Variants in ST8SIA1 observed in about 807,000 individuals in gnomAD.
The protein encoded by ST8SIA1 is alpha-N-acetylneuraminide alpha-2,8-sialyltransferase.
ST8SIA1 carries 16 observed loss-of-function variants against 35.9 expected under a neutral mutation model. The observed-to-expected ratio is 0.45, with a 90% CI of 0.30 to 0.68. The LOEUF is 0.68. ST8SIA1 is among the 30% of genes least tolerant of loss of function. ST8SIA1 has a pLI of 0.09. For synonymous variants in ST8SIA1, 170 were observed against 169.6 expected, an observed-to-expected ratio of 1.00 and a Z score of -0.02; for missense variants, 383 against 453.6, an observed-to-expected ratio of 0.84 and a Z score of 1.41.
At chr12:22,239,717 T>G (rs967450278) in intron 4 of ST8SIA1, among the ~76,000 whole-genome samples, 1 of 152,220 alleles carries the variant, frequency 6.6e-6, no homozygotes, top group African/African-American at 2.4e-5. Flanking sequence ...GAGTGTTTGC[T>G]TATGAGCTAT....
At chr12:22,211,338 C>T (rs1282515054) in intron 4 of ST8SIA1, among the ~76,000 whole-genome samples, 1 of 152,216 alleles carries the variant, frequency 6.6e-6, no homozygotes, top group Non-Finnish European at 1.5e-5. Flanking sequence ...TCTCTCCTCC[C>T]TGGAGACTGG....
rs371144589 is a variant in ST8SIA1 at position 22,233,085 on chromosome 12, A to G, written c.584+15921T>C. Among the ~76,000 whole-genome samples, 21 of 152,344 alleles carry G rather than the reference A, an allele frequency of 1.4e-4. 1 individual carries two copies. The highest frequency in any genetic ancestry group is 1.2e-3 in the South Asian group (6 of 4,818). On this transcript the variant is annotated intron_variant, in intron 4 of 4. Transcript: ENST00000396037. Reference sequence around the variant, plus strand: ...AGATTGAAAAGGTCCACTGCGTGCCAGCACAATGAATGAAATTAAGCCAAT... The same window carrying G: ...AGATTGAAAAGGTCCACTGCGTGCCGGCACAATGAATGAAATTAAGCCAAT...
At chr12:22,252,508 A>G (rs1865683685) in intron 3 of ST8SIA1, among the ~76,000 whole-genome samples, 1 of 152,232 alleles carries the variant, frequency 6.6e-6, no homozygotes, top group Admixed American at 6.5e-5. Context: ...TAAACATTAA[A>G]ATGTGTCATA....
At chr12:22,273,529 CCTA>C (rs1047706277) in intron 2 of ST8SIA1, among the ~76,000 whole-genome samples, 1 of 152,174 alleles carries the variant, frequency 6.6e-6, no homozygotes, top group Non-Finnish European at 1.5e-5. Context: ...TTTCTGTGTG[CCTA>C]CTTCTTCCTG....
chr12:22,285,768 G>A (rs1035948736), intron 2 of ST8SIA1, among the ~76,000 whole-genome samples: 1 of 150,914 alleles, frequency 6.6e-6, no homozygotes, highest in Non-Finnish European at 1.5e-5. Context: ...TACTCAGGAG[G>A]CTGAGGCAGG....
At chr12:22,221,309 G>A (rs907733510) in intron 4 of ST8SIA1, among the ~76,000 whole-genome samples, 26 of 152,146 alleles carry the variant, frequency 1.7e-4, no homozygotes, top group African/African-American at 5.8e-4. Context: ...AAGAGGAAGA[G>A]GAGGTAAATA....
intron 1 of ST8SIA1, chr12:22,333,739 C>T: frequency 1.5e-6 from 1 of 662,668 alleles, no homozygotes; most frequent in Non-Finnish European, 2.7e-6. Context: ...AATAAAACTC[C>T]GCTTTGGGAA....
At chr12:22,205,133 T>G (rs1865091640) in intron 4 of ST8SIA1, among the ~76,000 whole-genome samples, 1 of 152,202 alleles carries the variant, frequency 6.6e-6, no homozygotes, top group Admixed American at 6.5e-5. Flanking sequence ...TCCTTCCAAC[T>G]TAAGCTTTCA....
At chr12:22,270,010 T>C (rs1865892769) in intron 2 of ST8SIA1, among the ~76,000 whole-genome samples, 1 of 152,232 alleles carries the variant, frequency 6.6e-6, no homozygotes, top group South Asian at 2.1e-4. Flanking sequence ...AATCTCCTTA[T>C]ACACTATTAT....
At chr12:22,250,379 C>T (rs925231746) in intron 3 of ST8SIA1, among the ~76,000 whole-genome samples, 1 of 152,008 alleles carries the variant, frequency 6.6e-6, no homozygotes, top group Non-Finnish European at 1.5e-5. Context: ...AGTAAATATT[C>T]AAAAATATCA....
At chr12:22,245,464 A>G (rs748818192) in intron 4 of ST8SIA1, among the ~76,000 whole-genome samples, 7 of 152,254 alleles carry the variant, frequency 4.6e-5, no homozygotes, top group Non-Finnish European at 1.0e-4. Context: ...TACATTGAAT[A>G]CATTTTTTAA....
At chr12:22,276,905 G>GC (rs1413294303) in intron 2 of ST8SIA1, among the ~76,000 whole-genome samples, 1 of 151,790 alleles carries the variant, frequency 6.6e-6, no homozygotes, top group African/African-American at 2.4e-5. Context: ...AACTGTATCT[G>GC]CAAGACTTGT....
At chr12:22,261,877 G>A (rs1865796439) in intron 2 of ST8SIA1, among the ~76,000 whole-genome samples, 1 of 152,064 alleles carries the variant, frequency 6.6e-6, no homozygotes, top group South Asian at 2.1e-4. Context: ...ACCTAGTATG[G>A]GCCAGGAGCT....
intron 2 of ST8SIA1, among the ~76,000 whole-genome samples, chr12:22,264,765 T>C (rs7314460): frequency 0.067 from 10,251 of 152,240 alleles, 600 homozygotes; most frequent in South Asian, 0.17. Flanking sequence ...TCAAGGACTT[T>C]TAACTGTTCT....
intron 1 of ST8SIA1, among the ~76,000 whole-genome samples, chr12:22,329,980 T>C (rs758201380): frequency 2.6e-5 from 4 of 152,218 alleles, no homozygotes; most frequent in Non-Finnish European, 5.9e-5. Context: ...ATACCTTAAA[T>C]ACATTCAAAG....
At chr12:22,232,250 T>G (rs2120698726) in intron 4 of ST8SIA1, among the ~76,000 whole-genome samples, 1 of 152,270 alleles carries the variant, frequency 6.6e-6, no homozygotes, top group African/African-American at 2.4e-5. Context: ...GCATAAAAAC[T>G]TATTGGGAGA....
chr12:22,222,630 A>G (rs976520521), intron 4 of ST8SIA1, among the ~76,000 whole-genome samples: 1 of 151,922 alleles, frequency 6.6e-6, no homozygotes, highest in African/African-American at 2.4e-5. Context: ...ATATATATAC[A>G]CATATACATA....
At chr12:22,315,319 C>T (rs1044513615) in intron 1 of ST8SIA1, among the ~76,000 whole-genome samples, 2 of 152,172 alleles carry the variant, frequency 1.3e-5, no homozygotes, top group African/African-American at 2.4e-5. Flanking sequence ...CCACCCATCA[C>T]AGACCTGTGC....
At chr12:22,224,269 T>C (rs1865331389) in intron 4 of ST8SIA1, among the ~76,000 whole-genome samples, 1 of 151,890 alleles carries the variant, frequency 6.6e-6, no homozygotes, top group Non-Finnish European at 1.5e-5. Flanking sequence ...ATATTTTTCA[T>C]ACCTGTTTAC....
Sources: gnomAD v4.1 joint callset for allele counts (sites outside exome capture counted in the v4.1 genomes callset) on GRCh38, gnomAD v4.1.1 for gene constraint, MANE v1.5 for transcripts, NCBI Gene and HGNC (gene_info 2026-07-23, HGNC 2026-07-21) for gene names.